The following CNTNAP2 variants were observed in gnomAD, a reference collection of about 807,000 sequenced individuals.
CNTNAP2 encodes the protein contactin associated protein 2, also known as contactin-associated protein-like 2.
In CNTNAP2, 98 loss-of-function variants were observed where a neutral mutation model predicts 155.2. The observed-to-expected ratio is 0.63, with a 90% CI of 0.54 to 0.75. CNTNAP2 has a LOEUF of 0.75. CNTNAP2 is among the 30% of genes least tolerant of loss of function. The probability of loss-of-function intolerance (pLI) is 0.00; values close to 1 mark genes in which losing one functional copy is unlikely to be tolerated. For missense variants in CNTNAP2, 1,727 were observed against 1,688.1 expected, an observed-to-expected ratio of 1.02 and a Z score of -0.40; for synonymous variants, 651 against 631.2, an observed-to-expected ratio of 1.03 and a Z score of -0.47.
chr7:148,073,361 T>C (rs2116533361), intron 15 of CNTNAP2, among the ~76,000 whole-genome samples: 1 of 152,310 alleles, frequency 6.6e-6, no homozygotes, highest in Non-Finnish European at 1.5e-5. Context: ...TCAACCAAAG[T>C]CTAAAAATAT....
chr7:148,257,065 C>G (rs1438315386), intron 20 of CNTNAP2, among the ~76,000 whole-genome samples: 1 of 151,976 alleles, frequency 6.6e-6, no homozygotes, highest in Non-Finnish European at 1.5e-5. Context: ...GGTCTAAAGC[C>G]CTGAGCACAC....
chr7:148,008,669 C>T (rs1334580390), intron 15 of CNTNAP2, among the ~76,000 whole-genome samples: 1 of 152,208 alleles, frequency 6.6e-6, no homozygotes, highest in African/African-American at 2.4e-5. Flanking sequence ...TTTGGGGTCA[C>T]AACCACCTTC....
intron 1 of CNTNAP2, among the ~76,000 whole-genome samples, chr7:146,528,217 A>G (rs1797719429): frequency 6.6e-6 from 1 of 152,164 alleles, no homozygotes; most frequent in Middle Eastern, 3.2e-3. Flanking sequence ...ATAATTACTT[A>G]TAAATGGGAC....
chr7:146,644,567 T>C (rs1799775561), intron 1 of CNTNAP2, among the ~76,000 whole-genome samples: 1 of 152,132 alleles, frequency 6.6e-6, no homozygotes, highest in African/African-American at 2.4e-5. Flanking sequence ...CAGTATTTTA[T>C]TGAGGATTTT....
At chr7:146,251,335 T>C (rs1799753690) in intron 1 of CNTNAP2, among the ~76,000 whole-genome samples, 1 of 152,170 alleles carries the variant, frequency 6.6e-6, no homozygotes, top group Non-Finnish European at 1.5e-5. Context: ...TAATGACAGA[T>C]ACCAAATTTA....
At chr7:146,502,224 A>AAT (rs59759183) in intron 1 of CNTNAP2, among the ~76,000 whole-genome samples, 13,352 of 93,224 alleles carry the variant, frequency 0.14, 949 homozygotes, top group Non-Finnish European at 0.18. Flanking sequence ...TATATATATG[A>AAT]ATATATATAT....
At chr7:147,886,677 G>A (rs1407716865) in intron 13 of CNTNAP2, among the ~76,000 whole-genome samples, 1 of 151,848 alleles carries the variant, frequency 6.6e-6, no homozygotes, top group African/African-American at 2.4e-5. Flanking sequence ...GCTTTCATGG[G>A]ACCTGAGGCA....
chr7:147,326,071 C>A (rs193051419), intron 9 of CNTNAP2, among the ~76,000 whole-genome samples: 1 of 152,062 alleles, frequency 6.6e-6, no homozygotes, highest in Admixed American at 6.6e-5. Flanking sequence ...GACAAGCGCA[C>A]GCCACCACAC....
chr7:147,281,713 T>C (rs939517925), intron 8 of CNTNAP2, among the ~76,000 whole-genome samples: 1 of 152,044 alleles, frequency 6.6e-6, no homozygotes, highest in East Asian at 1.9e-4. Context: ...TTCATATTCA[T>C]AGAATATATT....
At chr7:147,876,649 G>T (rs976380713) in intron 13 of CNTNAP2, among the ~76,000 whole-genome samples, 2 of 151,854 alleles carry the variant, frequency 1.3e-5, no homozygotes, top group Admixed American at 1.3e-4. Flanking sequence ...TTAAATAGCA[G>T]TTAGGGGGAG....
At chr7:147,739,420 T>C (rs935964306) in intron 13 of CNTNAP2, among the ~76,000 whole-genome samples, 5 of 152,102 alleles carry the variant, frequency 3.3e-5, no homozygotes, top group Admixed American at 6.6e-5. Context: ...AAAGTCTAAG[T>C]AGAAAAATAA....
intron 1 of CNTNAP2, among the ~76,000 whole-genome samples, chr7:146,525,554 ATCTATCTATCTATCTATCTATCTC>A (rs1005835521): frequency 2.0e-5 from 3 of 146,908 alleles, no homozygotes; most frequent in African/African-American, 8.2e-5. Context: ...CTATCTATCT[ATCTATCTATCTATCTATCTATCTC>A]TCTATCTATC....
chr7:146,757,778 C>T (rs10232357), intron 1 of CNTNAP2, among the ~76,000 whole-genome samples: 1 of 152,024 alleles, frequency 6.6e-6, no homozygotes, highest in Non-Finnish European at 1.5e-5. Flanking sequence ...CATGAATATA[C>T]ATATCTCATT....
At chr7:147,893,444 C>T (rs1033429067) in intron 13 of CNTNAP2, among the ~76,000 whole-genome samples, 2 of 152,172 alleles carry the variant, frequency 1.3e-5, no homozygotes, top group African/African-American at 4.8e-5. Flanking sequence ...CCCAATGGCA[C>T]CCAGTCATCT....
chr7:148,394,689 T>A (rs1187828539), intron 22 of CNTNAP2, among the ~76,000 whole-genome samples: 1 of 152,224 alleles, frequency 6.6e-6, no homozygotes, highest in Non-Finnish European at 1.5e-5. Context: ...GTGCTTAGAA[T>A]CACCTGGGGG....
intron 1 of CNTNAP2, among the ~76,000 whole-genome samples, chr7:146,576,503 G>A (rs1186955740): frequency 6.6e-6 from 1 of 152,162 alleles, no homozygotes; most frequent in East Asian, 1.9e-4. Context: ...GCAGGTCAGA[G>A]GGGTACTTCA....
intron 4 of CNTNAP2, among the ~76,000 whole-genome samples, chr7:147,059,203 G>A (rs182755225): frequency 4.6e-5 from 7 of 152,282 alleles, no homozygotes; most frequent in Admixed American, 1.3e-4. Context: ...GTGCCTAGAG[G>A]GGCATAATAC....
intron 21 of CNTNAP2, among the ~76,000 whole-genome samples, chr7:148,294,677 T>A (rs1177294135): frequency 1.3e-5 from 2 of 152,230 alleles, no homozygotes; most frequent in East Asian, 3.8e-4. Flanking sequence ...TGTATATTAC[T>A]GTATTTCATT....
chr7:147,905,845 C>G (rs980075043), intron 14 of CNTNAP2, among the ~76,000 whole-genome samples: 2 of 151,706 alleles, frequency 1.3e-5, no homozygotes, highest in African/African-American at 4.8e-5. Context: ...GATCCCAGAT[C>G]GTGCCACTGC....
Sources: gnomAD v4.1 joint callset for allele counts (sites outside exome capture counted in the v4.1 genomes callset) on GRCh38, gnomAD v4.1.1 for gene constraint, MANE v1.5 for transcripts, NCBI Gene and HGNC (gene_info 2026-07-23, HGNC 2026-07-21) for gene names.